GNA12: variants seen among roughly 807,000 people sequenced by gnomAD.
GNA12 encodes G protein subunit alpha 12.
Under a neutral mutation model 26.0 loss-of-function variants are expected in GNA12, and 9 were observed. The ratio of observed to expected loss-of-function variants is 0.35; its 90% confidence interval spans 0.21 to 0.60. The LOEUF (loss-of-function observed/expected upper bound fraction) is 0.60, where lower values mean the gene tolerates loss of function less well. GNA12 is among the 20% of genes least tolerant of loss of function. The pLI is 0.78. For missense variants in GNA12, 405 were observed against 525.8 expected (o/e 0.77, Z 2.25); for synonymous variants, 264 against 219.6 (o/e 1.20, Z -1.79).
intron 1 of GNA12, among the ~76,000 whole-genome samples, chr7:2,841,042 A>G (rs1583321808): frequency 1.3e-5 from 2 of 152,250 alleles, no homozygotes; most frequent in South Asian, 2.1e-4. Context: ...TTAGTAAAAA[A>G]CAAAGCTGGA....
chr7:2,803,285 C>G (rs566019126), intron 1 of GNA12, among the ~76,000 whole-genome samples: 1 of 152,192 alleles, frequency 6.6e-6, no homozygotes, highest in South Asian at 2.1e-4. Flanking sequence ...AGGCCTCGCT[C>G]ACAGACAGGC....
At chr7:2,813,744 C>G (rs1030348476) in intron 1 of GNA12, among the ~76,000 whole-genome samples, 1 of 152,222 alleles carries the variant, frequency 6.6e-6, no homozygotes, top group East Asian at 1.9e-4. Flanking sequence ...ACGCCTAAGT[C>G]TGCCCATCTG....
chr7:2,808,728 C>T (rs1481959377), intron 1 of GNA12, among the ~76,000 whole-genome samples: 1 of 152,202 alleles, frequency 6.6e-6, no homozygotes, highest in Non-Finnish European at 1.5e-5. Flanking sequence ...TGGATTATGG[C>T]AAGTCTTCTA....
intron 2 of GNA12, among the ~76,000 whole-genome samples, chr7:2,735,628 ACACT>A (rs764575605): frequency 6.6e-6 from 1 of 152,202 alleles, no homozygotes; most frequent in African/African-American, 2.4e-5. Context: ...AACACAGCAA[ACACT>A]CACTGCTGCT....
intron 2 of GNA12, among the ~76,000 whole-genome samples, chr7:2,749,651 T>TA (rs1311021619): frequency 2.0e-5 from 3 of 151,844 alleles, no homozygotes; most frequent in Admixed American, 2.0e-4. Context: ...CCCTAGAACT[T>TA]AAAGTATAAT....
intron 1 of GNA12, among the ~76,000 whole-genome samples, chr7:2,807,372 C>G (rs4722092): frequency 6.6e-6 from 1 of 152,114 alleles, no homozygotes; most frequent in Non-Finnish European, 1.5e-5. Context: ...AATTTCTAGT[C>G]TCTTGTTTCC....
At chr7:2,841,705 G>C (rs1202409831) in intron 1 of GNA12, among the ~76,000 whole-genome samples, 1 of 152,230 alleles carries the variant, frequency 6.6e-6, no homozygotes, top group Non-Finnish European at 1.5e-5. Context: ...TACTGGCCTG[G>C]AAGTCTGGAG....
chr7:2,772,827 G>A (rs1006368720), intron 2 of GNA12, among the ~76,000 whole-genome samples: 2 of 152,152 alleles, frequency 1.3e-5, no homozygotes, highest in Non-Finnish European at 2.9e-5. Context: ...TCCATTAAGA[G>A]ACCTGTCCAA....
chr7:2,792,430 C>T (rs1234460583), intron 2 of GNA12, among the ~76,000 whole-genome samples: 15 of 152,328 alleles, frequency 9.8e-5, no homozygotes, highest in Admixed American at 7.8e-4. Flanking sequence ...CCTGCACTGA[C>T]GGAACAGGGC....
rs146442914 is a variant in GNA12, at chr7:2,819,009, G to C, written c.310-23866C>G. ...GAAAGGTCTTTGCAGAGGTAATTAA[G>C]GCTACCAATCAGCTGAGCTTAAAAT... On this transcript the variant is annotated intron_variant, in intron 1 of 3. Coordinates refer to ENST00000275364, the MANE Select transcript of GNA12 (RefSeq NM_007353.3). Among the ~76,000 whole-genome samples the C allele has an allele frequency of 1.8e-3, 272 of 152,284 alleles. 3 individuals are homozygous for C. Among genetic ancestry groups the C allele is most frequent in the African/African-American group, 6.1e-3 (253 of 41,562 alleles).
chr7:2,799,822 T>C (rs927202066), intron 1 of GNA12, among the ~76,000 whole-genome samples: 6 of 152,130 alleles, frequency 3.9e-5, no homozygotes, highest in African/African-American at 1.2e-4. Flanking sequence ...GATACTGCTG[T>C]ACACCTGTTA....
chr7:2,837,274 A>C (rs1246335246), intron 1 of GNA12, among the ~76,000 whole-genome samples: 1 of 152,180 alleles, frequency 6.6e-6, no homozygotes, highest in African/African-American at 2.4e-5. Context: ...CATTCCCTAG[A>C]ATCAGCAACG....
chr7:2,768,003 T>C (rs1311953563), intron 2 of GNA12, among the ~76,000 whole-genome samples: 1 of 152,172 alleles, frequency 6.6e-6, no homozygotes, highest in Non-Finnish European at 1.5e-5. Context: ...TACGGGCACA[T>C]GCCACCATGC....
In GNA12 at chr7:2,844,028, G is replaced by C; in HGVS notation, c.134C>G (p.Ala45Gly). 4.1e-6 allele frequency: 6 copies of C among 1,449,498 alleles called. No homozygotes were observed. The highest frequency in any genetic ancestry group is 5.5e-6 in the Non-Finnish European group (6 of 1,093,626). The allele number at this position is 1,449,498 out of a possible 1,614,324, so 89.8% of individuals were successfully genotyped here. The part of the protein sequence containing the change: ...EARRRSRDID[A>G]LLARERRAVR... ...CGCGCGCCGCTCGCGGGCCAGCAGC[G>C]CGTCGATGTCGCGGCTACGCCTCCG... The change falls in exon 1 of 4, where the codon GCG becomes GGG. Residue 45 changes from alanine to glycine, a missense_variant. Coordinates refer to ENST00000275364, the MANE Select transcript of GNA12 (RefSeq NM_007353.3).
intron 2 of GNA12, chr7:2,762,823 A>AT: frequency 2.0e-6 from 3 of 1,521,810 alleles, no homozygotes; most frequent in Non-Finnish European, 2.7e-6. Flanking sequence ...CCCATCCGCC[A>AT]CACACCCAGT....
chr7:2,837,319 C>T (rs1732917901), intron 1 of GNA12, among the ~76,000 whole-genome samples: 1 of 152,222 alleles, frequency 6.6e-6, no homozygotes, highest in Non-Finnish European at 1.5e-5. Context: ...CCCCACTCAA[C>T]AAGGCCACAG....
intron 2 of GNA12, among the ~76,000 whole-genome samples, chr7:2,741,045 AAAACAAACAAAC>A (rs10603977): frequency 4.0e-5 from 6 of 151,168 alleles, no homozygotes; most frequent in Admixed American, 2.0e-4. Flanking sequence ...ACTCCGTCTC[AAAACAAACAAAC>A]AAACAAACAA....
chr7:2,765,659 C>T (rs1791778078), intron 2 of GNA12, among the ~76,000 whole-genome samples: 1 of 151,270 alleles, frequency 6.6e-6, no homozygotes, highest in African/African-American at 2.4e-5. Context: ...GAGACAGAGT[C>T]TCACTCTGTC....
chr7:2,790,035 T>C (rs1792478209), intron 2 of GNA12, among the ~76,000 whole-genome samples: 1 of 152,198 alleles, frequency 6.6e-6, no homozygotes, highest in Admixed American at 6.5e-5. Flanking sequence ...TGCTCAACTC[T>C]GCAGGGCAGC....
Sources: allele counts gnomAD v4.1 joint callset (sites outside exome capture counted in the v4.1 genomes callset), GRCh38; gene constraint gnomAD v4.1.1; transcripts MANE v1.5; gene names NCBI Gene and HGNC (gene_info 2026-07-23, HGNC 2026-07-21).